KANSL1L: variants seen among roughly 807,000 people sequenced by gnomAD.
KANSL1L encodes the protein KAT8 regulatory NSL complex subunit 1-like protein.
KANSL1L carries 25 observed loss-of-function variants against 108.6 expected under a neutral mutation model. The ratio of observed to expected loss-of-function variants is 0.23; its 90% CI spans 0.17 to 0.32. The LOEUF (loss-of-function observed/expected upper bound fraction) is 0.32, where lower values mean the gene tolerates loss of function less well. KANSL1L is among the 10% of genes least tolerant of loss of function. KANSL1L has a pLI of 1.00. For synonymous variants in KANSL1L, 405 were observed against 395.1 expected (o/e 1.03, Z -0.30); for missense variants, 1,137 against 1,125.7 (o/e 1.01, Z -0.14).
chr2:210,146,546 T>C (rs573326530), intron 2 of KANSL1L, among the ~76,000 whole-genome samples: 1 of 152,312 alleles, frequency 6.6e-6, no homozygotes, highest in Admixed American at 6.5e-5. Flanking sequence ...ATGAAGGTGG[T>C]TTATTTTTAA....
intron 6 of KANSL1L, among the ~76,000 whole-genome samples, chr2:210,051,131 A>G (rs1432663776): frequency 6.6e-6 from 1 of 152,128 alleles, no homozygotes; most frequent in East Asian, 1.9e-4. Context: ...CATAAATACT[A>G]TTGCTATGGA....
intron 5 of KANSL1L, among the ~76,000 whole-genome samples, chr2:210,087,531 C>T (rs1006864239): frequency 9.9e-5 from 15 of 152,106 alleles, no homozygotes; most frequent in Non-Finnish European, 1.9e-4. Flanking sequence ...ACGTTAAGTA[C>T]AAAATATTCC....
chr2:210,086,629 C>T (rs145435587), intron 5 of KANSL1L, among the ~76,000 whole-genome samples: 4 of 152,086 alleles, frequency 2.6e-5, no homozygotes, highest in Non-Finnish European at 5.9e-5. Flanking sequence ...TTTAAATGCA[C>T]TGTGAGGACA....
intron 5 of KANSL1L, among the ~76,000 whole-genome samples, chr2:210,084,422 TAGAA>T (rs769868386): frequency 1.3e-5 from 2 of 152,012 alleles, no homozygotes; most frequent in African/African-American, 4.8e-5. Context: ...GACTCCGTCT[TAGAA>T]AGAAAAATTA....
At chr2:210,168,091 C>G (rs1688094101) in intron 1 of KANSL1L, among the ~76,000 whole-genome samples, 1 of 152,068 alleles carries the variant, frequency 6.6e-6, no homozygotes, top group Non-Finnish European at 1.5e-5. Flanking sequence ...TAAATTATTC[C>G]ATTAAAGTAC....
At chr2:210,119,700 G>A (rs2094995738) in intron 3 of KANSL1L, among the ~76,000 whole-genome samples, 1 of 152,044 alleles carries the variant, frequency 6.6e-6, no homozygotes, top group South Asian at 2.1e-4. Context: ...CACAATAAAA[G>A]CCATATATGA....
chr2:210,140,980 CTAAT>C (rs1238842315), intron 2 of KANSL1L, among the ~76,000 whole-genome samples: 1 of 152,046 alleles, frequency 6.6e-6, no homozygotes, highest in Non-Finnish European at 1.5e-5. Flanking sequence ...TCCTGAAACG[CTAAT>C]TAATTTATTT....
intron 6 of KANSL1L, among the ~76,000 whole-genome samples, chr2:210,061,237 TCCAATTA>T (rs2094416740): frequency 6.6e-6 from 1 of 152,186 alleles, no homozygotes; most frequent in Non-Finnish European, 1.5e-5. Flanking sequence ...AATTTGTATG[TCCAATTA>T]CCTACAACCC....
chr2:210,168,145 G>T (rs1441886174), intron 1 of KANSL1L, among the ~76,000 whole-genome samples: 1 of 152,026 alleles, frequency 6.6e-6, no homozygotes, highest in Non-Finnish European at 1.5e-5. Flanking sequence ...TGAGAGATAT[G>T]CTTTAAAATT....
At chr2:210,169,214 T>G (rs1333554777) in intron 1 of KANSL1L, among the ~76,000 whole-genome samples, 1 of 152,058 alleles carries the variant, frequency 6.6e-6, no homozygotes. Flanking sequence ...TCTACAAATC[T>G]AAGGGGGGGA....
At position 210,106,487 on chromosome 2, in the gene KANSL1L, G is replaced by T. The variant is rs1023680524; in HGVS notation, c.1231-2186C>A. On this transcript the variant is annotated intron_variant, in intron 3 of 14. Coordinates refer to ENST00000281772, the MANE Select transcript of KANSL1L (RefSeq NM_152519.4). ...TATATTTTTAAAATTCAACCAGGGA[G>T]GCAGGGCATGGTGGTTTACGCCTGT... Among the ~76,000 whole-genome samples the T allele has an allele frequency of 2.2e-4, 34 of 152,222 alleles. 1 individual carries two copies. The highest frequency in any genetic ancestry group is 4.3e-4 in the Non-Finnish European group (29 of 68,014).
chr2:210,041,120 G>A (rs1253339645), intron 7 of KANSL1L, among the ~76,000 whole-genome samples: 2 of 152,098 alleles, frequency 1.3e-5, no homozygotes, highest in African/African-American at 4.8e-5. Context: ...TGACAAGCTA[G>A]TTTTGTTTTT....
intron 8 of KANSL1L, among the ~76,000 whole-genome samples, chr2:210,034,608 G>A (rs140170463): frequency 1.3e-5 from 2 of 152,190 alleles, no homozygotes; most frequent in Non-Finnish European, 2.9e-5. Flanking sequence ...TGCCTACAGT[G>A]ATTAAAGGGA....
At chr2:210,027,484 T>TACAAATG in intron 11 of KANSL1L, 134 bp from the exon 12 acceptor site, 1 of 618,976 alleles carries the variant, frequency 1.6e-6, no homozygotes, top group Non-Finnish European at 2.9e-6. Flanking sequence ...TAATACTTAA[T>TACAAATG]TTTTTAAAAG....
At chr2:210,133,709 T>C (rs2095148070) in intron 2 of KANSL1L, among the ~76,000 whole-genome samples, 1 of 152,102 alleles carries the variant, frequency 6.6e-6, no homozygotes. Context: ...GCTTCAGTAA[T>C]TTAGTAGCTG....
At chr2:210,088,659 C>G (rs1185644084) in intron 5 of KANSL1L, 1 of 152,662 alleles carries the variant, frequency 6.6e-6, no homozygotes, top group African/African-American at 2.4e-5. Flanking sequence ...ATCATCCTCA[C>G]TGGCCGCCAC....
chr2:210,149,576 A>G (rs2095288049), intron 2 of KANSL1L, among the ~76,000 whole-genome samples: 1 of 152,116 alleles, frequency 6.6e-6, no homozygotes, highest in Admixed American at 6.5e-5. Context: ...CGTAGAGAAG[A>G]AAATAACAAA....
chr2:210,156,647 GAATA>G (rs1156498105), intron 1 of KANSL1L, among the ~76,000 whole-genome samples: 1 of 151,940 alleles, frequency 6.6e-6, no homozygotes, highest in African/African-American at 2.4e-5. Flanking sequence ...CTGTTTGCAA[GAATA>G]AAAAGTGAAC....
chr2:210,153,364 A>T, intron 2 of KANSL1L, 131 bp downstream of exon 2: 1 of 759,352 alleles, frequency 1.3e-6, no homozygotes, highest in Non-Finnish European at 2.0e-6. Context: ...AAAAATAAAA[A>T]TTAAAAAAAA....
Sources: gnomAD v4.1 joint callset for allele counts (sites outside exome capture counted in the v4.1 genomes callset) on GRCh38, gnomAD v4.1.1 for gene constraint, MANE v1.5 for transcripts, NCBI Gene and HGNC (gene_info 2026-07-23, HGNC 2026-07-21) for gene names.